Variants in PIWIL1 observed in about 807,000 individuals in gnomAD.
The protein encoded by PIWIL1 is piwi-like protein 1.
In PIWIL1, 73 loss-of-function variants were observed where a neutral mutation model predicts 114.4. The observed-to-expected ratio is 0.64, with a 90% CI of 0.53 to 0.78. The LOEUF (loss-of-function observed/expected upper bound fraction) is 0.78. PIWIL1 is among the 30% of genes least tolerant of loss of function. PIWIL1 has a pLI of 0.00. For synonymous variants in PIWIL1, 375 were observed against 369.0 expected, an observed-to-expected ratio of 1.02 and a Z score of -0.19; for missense variants, 723 against 1,063.1, an observed-to-expected ratio of 0.68 and a Z score of 4.45.
chr12:130,382,139 A>G, the PIWIL1 span, among the ~76,000 whole-genome samples: 3 of 152,258 alleles, frequency 2.0e-5, no homozygotes, highest in African/African-American at 7.2e-5. Flanking sequence ...AATTGAAGGT[A>G]GAATGGAGGT....
chr12:130,404,033 ATC>A, the PIWIL1 span, among the ~76,000 whole-genome samples: 1 of 152,220 alleles, frequency 6.6e-6, no homozygotes, highest in East Asian at 1.9e-4. Flanking sequence ...AGATTTCCTT[ATC>A]TCTGTTATTC....
the PIWIL1 span, among the ~76,000 whole-genome samples, chr12:130,378,335 C>T: frequency 2.0e-5 from 3 of 152,138 alleles, no homozygotes; most frequent in South Asian, 4.1e-4. Flanking sequence ...GGTATTCGAC[C>T]GCGTGATGAG....
the PIWIL1 span, among the ~76,000 whole-genome samples, chr12:130,402,822 C>G: frequency 6.6e-6 from 1 of 152,190 alleles, no homozygotes; most frequent in African/African-American, 2.4e-5. Context: ...CTTAGTACGC[C>G]ACGTGATGGC....
At chr12:130,347,120 A>C (rs1353216267) in intron 6 of PIWIL1, 58 bp downstream of exon 6, 1 of 1,241,084 alleles carries the variant, frequency 8.1e-7, no homozygotes, top group Non-Finnish European at 1.2e-6. Flanking sequence ...ATAATTGTAC[A>C]TTGAACATCT....
the PIWIL1 span, chr12:130,412,809 A>C: frequency 1.2e-6 from 2 of 1,600,356 alleles, no homozygotes; most frequent in African/African-American, 2.7e-5. Flanking sequence ...GGGGAAAATA[A>C]ATCAAGCACT....
At position 130,372,024 on chromosome 12, in the gene PIWIL1, A is replaced by G. The variant is rs910053377; in HGVS notation, c.*426A>G. On this transcript the variant is annotated 3_prime_UTR_variant, in exon 21 of 21. Coordinates refer to ENST00000245255, the MANE Select transcript of PIWIL1 (RefSeq NM_004764.5). Reference sequence around the variant, plus strand: ...TTAAAGGAGATAAGAGGCGTAAAGTAGGATGCTCACTACAACCATAGGTGG... The same window carrying G: ...TTAAAGGAGATAAGAGGCGTAAAGTGGGATGCTCACTACAACCATAGGTGG... 1 of 154,546 alleles carries G rather than the reference A, an allele frequency of 6.5e-6. No homozygotes were observed. Among genetic ancestry groups the G allele is most frequent in the East Asian group, 1.9e-4 (1 of 5,272 alleles). The allele number at this position is 154,546 out of a possible 1,614,324, so 9.6% of individuals were successfully genotyped here.
At chr12:130,420,020 T>C in the PIWIL1 span, among the ~76,000 whole-genome samples, 1 of 152,224 alleles carries the variant, frequency 6.6e-6, no homozygotes, top group African/African-American at 2.4e-5. The surrounding 1 kb of genome is among the most constrained non-coding windows in gnomAD (Gnocchi z 4.3). Flanking sequence ...ACAGACTTAA[T>C]TTCCTCTGAA....
intron 3 of PIWIL1, 148 bp downstream of exon 3, chr12:130,343,249 G>A: frequency 1.4e-5 from 8 of 569,644 alleles, no homozygotes; most frequent in East Asian, 3.0e-5. Flanking sequence ...AATCAATTGT[G>A]GAAAATACTT....
the PIWIL1 span, among the ~76,000 whole-genome samples, chr12:130,380,571 A>G: frequency 6.6e-6 from 1 of 152,228 alleles, no homozygotes; most frequent in Admixed American, 6.5e-5. Flanking sequence ...GAAACTGTAG[A>G]TGATTTTACA....
Position 130,345,781 on chromosome 12 carries a change from G to A in PIWIL1, c.219G>A (p.Glu73=). 6.2e-7 allele frequency: 1 copy of A among 1,614,024 alleles called. No individual in the cohort carries two copies. The highest frequency in any genetic ancestry group is 2.2e-5 in the East Asian group (1 of 44,864). Residue 73 remains glutamate, a synonymous_variant, in exon 4 of 21, where the codon GAG becomes GAA. Transcript: ENST00000245255. The part of the protein sequence containing the change: ...QGLQISAGFQ[E]LSLAERGGRR... Reference sequence around the variant, plus strand: ...TCCAGATATCTGCTGGATTTCAGGAGTTATCGTTAGCAGAGAGAGGAGGTC... The same window carrying A: ...TCCAGATATCTGCTGGATTTCAGGAATTATCGTTAGCAGAGAGAGGAGGTC...
chr12:130,361,649 G>A, intron 16 of PIWIL1, 48 bp downstream of exon 16: 1 of 1,408,164 alleles, frequency 7.1e-7, no homozygotes, highest in Non-Finnish European at 1.0e-6. Context: ...CATAAAGCAG[G>A]GTTCTGGAGG....
At position 130,348,149 on chromosome 12, in the gene PIWIL1, AAC is replaced by A. The variant is rs771314174; in HGVS notation, c.701_702del (p.Asn234ThrfsTer3). ...GCAACAAATTGGACGAAATTATTAT[AAC>A]CCAAATGACCCAATTGATATTCCAA... ...NLQQIGRNYY[N>X]PNDPIDIPSH... On this transcript the variant is annotated frameshift_variant, in exon 7 of 21. Coordinates refer to ENST00000245255, the MANE Select transcript of PIWIL1 (RefSeq NM_004764.5). LOFTEE classifies it high-confidence loss of function. 6.2e-7 allele frequency: 1 copy of A among 1,608,560 alleles called. No homozygotes were observed. The highest frequency in any genetic ancestry group is 1.7e-5 in the Admixed American group (1 of 59,770).
chr12:130,418,386 A>G, the PIWIL1 span, among the ~76,000 whole-genome samples: 35 of 152,314 alleles, frequency 2.3e-4, no homozygotes, highest in African/African-American at 7.7e-4. Flanking sequence ...GAAGCGCTCC[A>G]TGGCCTCTAC....
At chr12:130,419,254 G>C in the PIWIL1 span, among the ~76,000 whole-genome samples, 3 of 152,238 alleles carry the variant, frequency 2.0e-5, no homozygotes, top group Non-Finnish European at 4.4e-5. This position sits in a 1 kb window ranked among gnomAD's most constrained non-coding sequence, Gnocchi z 4.3. Flanking sequence ...TCTGACCCTG[G>C]GGGGAGTGGG....
chr12:130,414,011 T>C, the PIWIL1 span: 2 of 1,152,554 alleles, frequency 1.7e-6, no homozygotes, highest in East Asian at 2.4e-5. Context: ...GCCTCGCCCA[T>C]GGCCTGCAGG....
chr12:130,413,821 G>A, the PIWIL1 span, among the ~76,000 whole-genome samples: 2 of 151,984 alleles, frequency 1.3e-5, no homozygotes, highest in Non-Finnish European at 2.9e-5. Flanking sequence ...ACTGACAAGT[G>A]TTGTTTTAAA....
chr12:130,377,716 C>G, the PIWIL1 span, among the ~76,000 whole-genome samples: 10 of 152,226 alleles, frequency 6.6e-5, no homozygotes, highest in Admixed American at 1.3e-4. Flanking sequence ...TCTGGAGGCA[C>G]GAAAGGAGCC....
chr12:130,397,221 T>C, the PIWIL1 span: 1 of 388,466 alleles, frequency 2.6e-6, no homozygotes, highest in Non-Finnish European at 4.5e-6. Context: ...TTTAAAGTGG[T>C]TGGTAGTGCA....
the PIWIL1 span, chr12:130,399,239 T>C: frequency 1.2e-6 from 1 of 827,656 alleles, no homozygotes. Flanking sequence ...AGTGATGAAA[T>C]AAAATAAAAA....
Sources: allele counts gnomAD v4.1 joint callset (sites outside exome capture counted in the v4.1 genomes callset), GRCh38; gene constraint gnomAD v4.1.1; non-coding constraint Gnocchi (gnomAD v3.1); transcripts MANE v1.5; gene names NCBI Gene and HGNC (gene_info 2026-07-23, HGNC 2026-07-21).